MRTFB: variants seen among roughly 807,000 people sequenced by gnomAD.
MRTFB encodes myocardin-related transcription factor B.
A neutral mutation model predicts 104.2 loss-of-function variants in MRTFB; 29 were observed. The ratio of observed to expected loss-of-function variants is 0.28; its 90% confidence interval spans 0.21 to 0.38. The LOEUF (loss-of-function observed/expected upper bound fraction) is 0.38, where lower values mean the gene tolerates loss of function less well. Among genes scored for constraint, MRTFB ranks in the 10% least tolerant of loss-of-function variants. The probability of loss-of-function intolerance (pLI) is 1.00; values close to 1 mark genes in which losing one functional copy is unlikely to be tolerated. For missense variants in MRTFB, 1,270 were observed against 1,341.6 expected (o/e 0.95, Z 0.83); for synonymous variants, 535 against 519.5 (o/e 1.03, Z -0.41).
intron 8 of MRTFB, among the ~76,000 whole-genome samples, chr16:14,221,643 G>A (rs2041712034): frequency 1.3e-5 from 2 of 152,106 alleles, no homozygotes; most frequent in Admixed American, 6.5e-5. Context: ...TCTTTCAGGG[G>A]TTCTTTGAGA....
At chr16:14,003,781 C>A in the MRTFB span, among the ~76,000 whole-genome samples, 1 of 152,118 alleles carries the variant, frequency 6.6e-6, no homozygotes, top group African/African-American at 2.4e-5. Context: ...ATGCAGGCAC[C>A]AAACACTGCA....
the MRTFB span, among the ~76,000 whole-genome samples, chr16:14,029,234 A>G: frequency 6.6e-6 from 1 of 151,520 alleles, no homozygotes; most frequent in Non-Finnish European, 1.5e-5. Context: ...TAAGCCCAGG[A>G]GGTCGAAGCT....
Position 14,234,023 on chromosome 16 carries a change from A to G in MRTFB, c.694-123A>G, listed in dbSNP as rs899733726. 5.1e-5 allele frequency: 61 copies of G among 1,192,406 alleles called. No individual in the cohort carries two copies. In the East Asian group the frequency reaches 5.7e-4, roughly 11 times the overall value. 73.9% of individuals were successfully genotyped at this position (1,192,406 alleles called of 1,614,324 possible). ...ACCATCTGGCCTCAGACATAATCAT[A>G]TATTTTTCCTTTGCTTCTTTTCTAG... On this transcript the variant is annotated intron_variant, in intron 8 of 16. Transcript: ENST00000571589.
chr16:13,995,561 A>G, the MRTFB span, among the ~76,000 whole-genome samples: 1 of 152,216 alleles, frequency 6.6e-6, no homozygotes, highest in Non-Finnish European at 1.5e-5. Context: ...ATTGAAGTGT[A>G]TCAGTCCTTC....
chr16:14,231,313 A>T (rs1045120524), intron 8 of MRTFB, among the ~76,000 whole-genome samples: 8 of 152,270 alleles, frequency 5.3e-5, no homozygotes, highest in South Asian at 4.2e-4. Flanking sequence ...AAAATAAATT[A>T]AAAAAAGATT....
intron 3 of MRTFB, among the ~76,000 whole-genome samples, chr16:14,170,907 C>A (rs956909705): frequency 6.6e-6 from 1 of 152,150 alleles, no homozygotes; most frequent in Non-Finnish European, 1.5e-5. Flanking sequence ...CATTTGTTAA[C>A]AGATGACTTT....
Position 14,246,396 on chromosome 16 carries a change from T to C in MRTFB, c.1213-77T>C, listed in dbSNP as rs1164942601. The C allele has an allele frequency of 2.1e-6, 3 of 1,449,214 alleles. No homozygotes were observed. The African/African-American group carries it at 4.2e-5, about 20-fold the overall frequency. 89.8% of individuals were successfully genotyped at this position (1,449,214 alleles called of 1,614,324 possible). On this transcript the variant is annotated intron_variant, in intron 11 of 16. Transcript: ENST00000571589. Reference sequence around the variant, plus strand: ...GAGTTGTCTGACAGACATAGGCACCTTTCCCATCACAAAAGCGTACTGTAG... The same window carrying C: ...GAGTTGTCTGACAGACATAGGCACCCTTCCCATCACAAAAGCGTACTGTAG...
chr16:14,253,704 G>A (rs2043351330), intron 15 of MRTFB, among the ~76,000 whole-genome samples: 1 of 152,208 alleles, frequency 6.6e-6, no homozygotes, highest in African/African-American at 2.4e-5. Flanking sequence ...GGGCCCGTAG[G>A]GGGCTGCCTC....
Position 14,234,277 on chromosome 16 carries a change from G to C in MRTFB, c.825G>C (p.Leu275=). ...CCTCAGCAAAGCCTGGCCCAGCACTGGTGAAGGTGGGTACTTTGGATACAC... is the reference window on the plus strand; with the variant it reads ...CCTCAGCAAAGCCTGGCCCAGCACTCGTGAAGGTGGGTACTTTGGATACAC... ...TVSSAKPGPA[L]VKQSHPKNPN... is the part of the protein sequence containing the mutation. Residue 275 remains leucine (L), a synonymous_variant, in exon 9 of 17, where the codon CTG becomes CTC. Transcript: ENST00000571589. 1 of 1,613,850 alleles carries C rather than the reference G, an allele frequency of 6.2e-7. No individual in the cohort carries two copies. The highest frequency in any genetic ancestry group is 1.1e-5 in the South Asian group (1 of 91,018).
intron 3 of MRTFB, among the ~76,000 whole-genome samples, chr16:14,168,217 A>ATGTGTGTGTGTGTGTGTGTGTGTG (rs61205256): frequency 2.0e-4 from 30 of 148,010 alleles, no homozygotes; most frequent in African/African-American, 6.7e-4. Flanking sequence ...TAAAGATAAA[A>ATGTGTGTGTGTGTGTGTGTGTGTG]TGTGTGTGTG....
chr16:14,014,849 C>T, the MRTFB span, among the ~76,000 whole-genome samples: 1 of 152,144 alleles, frequency 6.6e-6, no homozygotes, highest in Admixed American at 6.5e-5. Flanking sequence ...AGCCTGGCGA[C>T]AGGGCAAGAC....
chr16:14,010,742 A>G, the MRTFB span, among the ~76,000 whole-genome samples: 1 of 152,244 alleles, frequency 6.6e-6, no homozygotes, highest in Admixed American at 6.5e-5. Context: ...TCTGACCTCT[A>G]GAGTTGCCTT....
intron 2 of MRTFB, among the ~76,000 whole-genome samples, chr16:14,106,825 C>T (rs1030456184): frequency 4.6e-5 from 7 of 152,254 alleles, no homozygotes; most frequent in African/African-American, 1.4e-4. Context: ...AATTATACAT[C>T]GCTCCTATCC....
intron 5 of MRTFB, among the ~76,000 whole-genome samples, chr16:14,212,960 C>T (rs937253427): frequency 2.6e-5 from 4 of 152,108 alleles, no homozygotes; most frequent in Non-Finnish European, 5.9e-5. Flanking sequence ...AATATTCATT[C>T]ATTTTGTTTT....
At chr16:13,997,157 A>C in the MRTFB span, among the ~76,000 whole-genome samples, 1 of 152,228 alleles carries the variant, frequency 6.6e-6, no homozygotes, top group Admixed American at 6.5e-5. Flanking sequence ...CCAGGATAGA[A>C]AGATGGCCCC....
chr16:14,124,593 C>A (rs999780766), intron 2 of MRTFB, among the ~76,000 whole-genome samples: 1 of 152,152 alleles, frequency 6.6e-6, no homozygotes, highest in Non-Finnish European at 1.5e-5. Context: ...GTTGAACCAG[C>A]CTTGCATCCC....
At chr16:14,040,659 C>T in the MRTFB span, among the ~76,000 whole-genome samples, 143 of 152,204 alleles carry the variant, frequency 9.4e-4, no homozygotes, top group African/African-American at 3.3e-3. Flanking sequence ...GATGGGGTTT[C>T]ACCATGTTGG....
the MRTFB span, among the ~76,000 whole-genome samples, chr16:14,064,675 A>G: frequency 6.6e-6 from 1 of 152,208 alleles, no homozygotes; most frequent in Admixed American, 6.5e-5. Context: ...TCTTCTGCAT[A>G]TGGCTAGCCA....
chr16:14,017,713 T>A, the MRTFB span, among the ~76,000 whole-genome samples: 1,087 of 9,192 alleles, frequency 0.12, 81 homozygotes, highest in East Asian at 0.43. Flanking sequence ...ATATATATAT[T>A]TTTTTTTTTT....
Sources: gnomAD v4.1 joint callset for allele counts (sites outside exome capture counted in the v4.1 genomes callset) on GRCh38, gnomAD v4.1.1 for gene constraint, MANE v1.5 for transcripts, NCBI Gene and HGNC (gene_info 2026-07-23, HGNC 2026-07-21) for gene names.